The following ATAD1 variants were observed in gnomAD, a reference collection of about 807,000 sequenced individuals.
The protein encoded by ATAD1 is outer mitochondrial transmembrane helix translocase.
In ATAD1, 18 loss-of-function variants were observed where a neutral mutation model predicts 42.7. The ratio of observed to expected loss-of-function variants is 0.42; its 90% confidence interval spans 0.29 to 0.63. ATAD1 has a LOEUF of 0.63. Ranked by LOEUF, ATAD1 falls within the 20% of genes least tolerant of loss-of-function variation. ATAD1 has a pLI of 0.19. For synonymous variants in ATAD1, 132 were observed against 143.1 expected (o/e 0.92, Z 0.55); for missense variants, 294 against 440.4 (o/e 0.67, Z 2.98).
In ATAD1 at chr10:87,756,746, A is replaced by C. The variant is rs781450165; in HGVS notation, c.965+43T>G. On this transcript the variant is annotated intron_variant, in intron 9 of 9. Coordinates refer to ENST00000680024, the MANE Select transcript of ATAD1 (RefSeq NM_001321967.2). ...AAAAGAAACTAACCTAAAAGCTCTAAAAGATTTTGACAAGTGTTAAAAATC... is the reference window on the plus strand; with the variant it reads ...AAAAGAAACTAACCTAAAAGCTCTACAAGATTTTGACAAGTGTTAAAAATC... 7 of 1,491,688 alleles carry C rather than the reference A, an allele frequency of 4.7e-6. No individual in the cohort carries two copies. In the African/African-American group the frequency reaches 5.7e-5, roughly 12 times the overall value. 92.4% of individuals were successfully genotyped at this position (1,491,688 alleles called of 1,614,324 possible).
At chr10:87,836,125 G>T (rs1247120051) in intron 1 of ATAD1, among the ~76,000 whole-genome samples, 1 of 151,788 alleles carries the variant, frequency 6.6e-6, no homozygotes, top group Non-Finnish European at 1.5e-5. Context: ...TTTTTGTTTT[G>T]TTTTGTTTTG....
chr10:87,833,139 T>A (rs546134513), intron 1 of ATAD1: 1 of 152,372 alleles, frequency 6.6e-6, no homozygotes, highest in African/African-American at 2.4e-5. Context: ...TAGTTAGATC[T>A]TCTTTGATTG....
chr10:87,818,059 C>G (rs1229356686), intron 1 of ATAD1, 108 bp downstream of exon 1: 1 of 985,552 alleles, frequency 1.0e-6, no homozygotes, highest in Non-Finnish European at 1.2e-6. Context: ...TGGGAGAAGA[C>G]CGGGGTGACC....
At chr10:87,831,144 GAGATA>G (rs1210403035) in intron 1 of ATAD1, among the ~76,000 whole-genome samples, 1 of 152,192 alleles carries the variant, frequency 6.6e-6, no homozygotes, top group African/African-American at 2.4e-5. Context: ...GAGAGGATTG[GAGATA>G]AGCTACGTAA....
At chr10:87,776,214 T>C in intron 6 of ATAD1, 107 bp downstream of exon 6, 1 of 771,806 alleles carries the variant, frequency 1.3e-6, no homozygotes. Flanking sequence ...TAAGTGTAAA[T>C]AATTATGAAA....
At chr10:87,799,014 T>A (rs1234447703) in intron 2 of ATAD1, among the ~76,000 whole-genome samples, 1 of 152,146 alleles carries the variant, frequency 6.6e-6, no homozygotes, top group Admixed American at 6.5e-5. Flanking sequence ...CTAATTGGCT[T>A]AAGAAAATAA....
intron 2 of ATAD1, among the ~76,000 whole-genome samples, chr10:87,804,107 T>C (rs1357791771): frequency 1.3e-5 from 2 of 152,236 alleles, no homozygotes; most frequent in Non-Finnish European, 2.9e-5. Context: ...TGATAGCTGC[T>C]CTTAAAATTC....
chr10:87,781,647 A>AT (rs34924600), intron 5 of ATAD1, among the ~76,000 whole-genome samples: 61,487 of 150,754 alleles, frequency 0.41, 13,348 homozygotes, highest in African/African-American at 0.57. Flanking sequence ...GAGATGAAGA[A>AT]TTTTTTTTTT....
At chr10:87,832,229 A>G (rs1589577797) in intron 1 of ATAD1, 1 of 151,776 alleles carries the variant, frequency 6.6e-6, no homozygotes, top group South Asian at 2.1e-4. Flanking sequence ...CATCTCTACA[A>G]AAAATTAAAA....
chr10:87,759,664 C>A (rs886353278), intron 8 of ATAD1: 8 of 402,060 alleles, frequency 2.0e-5, no homozygotes, highest in African/African-American at 1.7e-4. Context: ...AGATTCCAGT[C>A]ACTGGGGGAG....
intron 2 of ATAD1, among the ~76,000 whole-genome samples, chr10:87,805,657 G>T (rs953972242): frequency 6.6e-6 from 1 of 151,828 alleles, no homozygotes; most frequent in African/African-American, 2.4e-5. Context: ...CCCTAAAAAT[G>T]TTCCCATAAC....
exon 1 of ATAD1, chr10:87,841,338 C>T (rs372417124): frequency 1.3e-5 from 2 of 152,078 alleles, no homozygotes; most frequent in African/African-American, 4.8e-5. Flanking sequence ...TGAACCTAGT[C>T]CCCACAGAGA....
intron 8 of ATAD1, among the ~76,000 whole-genome samples, chr10:87,763,989 G>A (rs1199568392): frequency 2.0e-5 from 3 of 151,964 alleles, no homozygotes; most frequent in Non-Finnish European, 2.9e-5. Flanking sequence ...CTTGGGGTTC[G>A]GGGACAACAA....
chr10:87,817,266 T>C (rs1233196202), intron 1 of ATAD1, among the ~76,000 whole-genome samples: 2 of 152,174 alleles, frequency 1.3e-5, no homozygotes, highest in South Asian at 2.1e-4. Context: ...CCAGCGAACA[T>C]ACAATAAAAG....
intron 4 of ATAD1, among the ~76,000 whole-genome samples, chr10:87,790,093 A>T (rs1011835921): frequency 1.3e-5 from 2 of 152,242 alleles, no homozygotes; most frequent in East Asian, 1.9e-4. Context: ...AAATTGAAGG[A>T]GATTATTTTA....
chr10:87,762,322 T>C (rs1219389794), intron 8 of ATAD1, among the ~76,000 whole-genome samples: 1 of 152,204 alleles, frequency 6.6e-6, no homozygotes, highest in Non-Finnish European at 1.5e-5. Context: ...CTAGTATCTG[T>C]TAAATTTCTA....
intron 3 of ATAD1, among the ~76,000 whole-genome samples, chr10:87,791,068 A>G (rs2131927254): frequency 6.8e-6 from 1 of 146,986 alleles, no homozygotes; most frequent in South Asian, 2.2e-4. Context: ...AACCAGGTGT[A>G]GTGGTGTGTG....
intron 4 of ATAD1, 80 bp downstream of exon 4, chr10:87,790,230 A>C (rs150366887): frequency 2.9e-5 from 44 of 1,528,336 alleles, no homozygotes; most frequent in Middle Eastern, 1.8e-4. Flanking sequence ...GATTTCACAA[A>C]AACTAGTTCT....
In ATAD1 at chr10:87,752,536, C is replaced by T. The variant is rs1047297887; in HGVS notation, c.*2151G>A. 1 of 138,926 alleles carries T rather than the reference C, an allele frequency of 7.2e-6. No homozygotes were observed. The highest frequency in any genetic ancestry group is 2.7e-5 in the African/African-American group (1 of 37,660). The allele number at this position is 138,926 out of a possible 1,614,324, so 8.6% of individuals were successfully genotyped here. A position where few individuals can be genotyped will look rare whatever the true frequency, so the allele number is the denominator to read the frequency against. The stretch of plus-strand genomic sequence containing the variant: ...CCCATTTTACAGATGAGAAACTGGG[C>T]TCACAGACACACAGTTAATGGGGAG... On this transcript the variant is annotated 3_prime_UTR_variant, in exon 10 of 10. Coordinates refer to ENST00000680024, the MANE Select transcript of ATAD1 (RefSeq NM_001321967.2).
Sources: allele counts gnomAD v4.1 joint callset (sites outside exome capture counted in the v4.1 genomes callset), GRCh38; gene constraint gnomAD v4.1.1; transcripts MANE v1.5; gene names NCBI Gene and HGNC (gene_info 2026-07-23, HGNC 2026-07-21).